Variants in PITRM1 observed in about 807,000 individuals in gnomAD.
PITRM1 encodes the protein presequence protease, mitochondrial.
A neutral mutation model predicts 129.9 loss-of-function variants in PITRM1; 100 were observed. That is an observed-to-expected ratio of 0.77 (90% CI 0.65 to 0.91). PITRM1 has a LOEUF of 0.91. Ranked by LOEUF, PITRM1 falls within the 40% of genes least tolerant of loss-of-function variation. PITRM1 has a pLI of 0.00. For synonymous variants in PITRM1, 591 were observed against 508.8 expected (o/e 1.16, Z -2.17); for missense variants, 1,471 against 1,318.3 (o/e 1.12, Z -1.79).
At chr10:3,167,303 G>A (rs1413206407) in intron 2 of PITRM1, among the ~76,000 whole-genome samples, 1 of 152,176 alleles carries the variant, frequency 6.6e-6, no homozygotes, top group African/African-American at 2.4e-5. Context: ...GAGCGAGCGA[G>A]CGCGAGAGCG....
intron 25 of PITRM1, 22 bp from the exon 26 acceptor site, chr10:3,138,359 C>A (rs371432219): frequency 2.6e-6 from 4 of 1,555,672 alleles, no homozygotes; most frequent in African/African-American, 1.4e-5. Context: ...TCCACAGGCA[C>A]GATGGAGCCG....
chr10:3,143,733 T>C lies in PITRM1; in HGVS notation c.2533-232A>G. 3 of 700,536 alleles carry C rather than the reference T, an allele frequency of 4.3e-6. No homozygotes were observed. In the South Asian group the frequency reaches 4.5e-5, roughly 11 times the overall value. The allele number at this position is 700,536 out of a possible 1,614,324, so 43.4% of individuals were successfully genotyped here. ...TCCACACAATTTCTCACTGTAAAAC[T>C]GACATGAAGTCCTCCAATCTTGACG... is the stretch of plus-strand genomic sequence containing the variant. On this transcript the variant is annotated intron_variant, in intron 22 of 26. Coordinates refer to ENST00000224949, the MANE Select transcript of PITRM1 (RefSeq NM_014889.4).
chr10:3,164,094 G>C (rs1469241456), intron 6 of PITRM1: 3 of 311,082 alleles, frequency 9.6e-6, no homozygotes, highest in African/African-American at 6.6e-5. Context: ...CCCACGCACA[G>C]GACCCAAGGA....
intron 7 of PITRM1, 108 bp from the exon 8 acceptor site, chr10:3,160,438 C>G (rs1842351314): frequency 4.4e-6 from 4 of 909,290 alleles, no homozygotes; most frequent in Non-Finnish European, 3.4e-6. Context: ...TACCCAAGGT[C>G]TCGCCTTTCG....
chr10:3,140,916 A>G (rs1840123978), intron 23 of PITRM1, 104 bp from the exon 24 acceptor site: 2 of 1,026,842 alleles, frequency 1.9e-6, no homozygotes, highest in Admixed American at 2.3e-5. Flanking sequence ...GTTGTAAAAT[A>G]ATGCTGCATA....
intron 15 of PITRM1, 85 bp from the exon 16 acceptor site, chr10:3,149,838 G>T: frequency 7.0e-7 from 1 of 1,419,336 alleles, no homozygotes; most frequent in Non-Finnish European, 9.9e-7. Context: ...GCTATTTATT[G>T]TTTTTTCAAG....
Position 3,147,569 on chromosome 10 carries a change from C to T in PITRM1, c.2235+3G>A, listed in dbSNP as rs776242641. On this transcript the variant is annotated splice_donor_region_variant and intron_variant, in intron 19 of 26. Transcript: ENST00000224949. ...TAATAGAGGTTCCTTCCAAGCTTCC[C>T]ACCTGATCCATCCCGCTGAAGGTCT... The T allele has an allele frequency of 3.1e-6, 5 of 1,613,930 alleles. No homozygotes were observed. Among genetic ancestry groups the T allele is most frequent in the East Asian group, 4.5e-5 (2 of 44,886 alleles).
chr10:3,156,481 C>G (rs1239592657), intron 13 of PITRM1, among the ~76,000 whole-genome samples: 1 of 152,188 alleles, frequency 6.6e-6, no homozygotes, highest in East Asian at 1.9e-4. Context: ...CCACGGGAAC[C>G]CTTTTTAAAA....
chr10:3,143,250 A>G (rs1458865431), intron 23 of PITRM1, 139 bp downstream of exon 23: 1 of 625,022 alleles, frequency 1.6e-6, no homozygotes, highest in Admixed American at 2.7e-5. Context: ...GCACTCGTAG[A>G]CTCACACAGC....
chr10:3,138,114 T>A lies in PITRM1; in HGVS notation c.3031A>T (p.Thr1011Ser). The change falls in exon 27 of 27, where the codon ACT becomes TCT. Residue 1011 changes from threonine (T) to serine (S), a missense_variant. Physicochemically the swap from Thr to Ser is moderately conservative, Grantham distance 58. Coordinates refer to ENST00000224949, the MANE Select transcript of PITRM1 (RefSeq NM_014889.4). ...LLAVSDRYLG[T>S]GKSTHGLAIL... ...GCCAGGCCGTGTGTGCTCTTCCCAGTGCCGAGGTATCTGAGAGGAAGGCAG... is the reference window on the plus strand; with the variant it reads ...GCCAGGCCGTGTGTGCTCTTCCCAGAGCCGAGGTATCTGAGAGGAAGGCAG... 1 of 1,609,262 alleles carries A rather than the reference T, an allele frequency of 6.2e-7. No individual in the cohort carries two copies.
chr10:3,138,517 C>T (rs536308674), intron 25 of PITRM1, 180 bp from the exon 26 acceptor site: 11 of 631,606 alleles, frequency 1.7e-5, no homozygotes, highest in East Asian at 2.7e-5. Context: ...CCACGTGCCA[C>T]GCTGACCCCT....
At position 3,157,511 on chromosome 10, in the gene PITRM1, C is replaced by T. The variant is rs115840214; in HGVS notation, c.1271G>A (p.Arg424Gln). Residue 424 changes from arginine (R) to glutamine (Q), a missense_variant, in exon 12 of 27, where the codon CGA becomes CAA. Physicochemically the swap from Arg to Gln is conservative, Grantham distance 43 (BLOSUM62 1). Transcript: ENST00000224949. Reference sequence around the variant, plus strand: ...AATTTTATGAAGTAAAGCCTCAATTCGATCATCTTCAAATCCTTTCCTAAA... The same window carrying T: ...AATTTTATGAAGTAAAGCCTCAATTTGATCATCTTCAAATCCTTTCCTAAA... ...EVVEKGFEDD[R>Q]IEALLHKIEI... 6.3e-4 allele frequency: 1,004 copies of T among 1,603,666 alleles called. 9 individuals are homozygous for T. In the African/African-American group the frequency reaches 0.01, roughly 16 times the overall value.
At chr10:3,140,013 C>T (rs1242586243) in intron 24 of PITRM1, among the ~76,000 whole-genome samples, 4 of 152,222 alleles carry the variant, frequency 2.6e-5, no homozygotes, top group Non-Finnish European at 1.5e-5. Context: ...TCACCTGGGG[C>T]CTGTGTTTCA....
Position 3,165,227 on chromosome 10 carries a change from A to C in PITRM1, c.630+11T>G. The C allele has an allele frequency of 6.5e-7, 1 of 1,536,796 alleles. No homozygotes were observed. Among genetic ancestry groups the C allele is most frequent in the East Asian group, 2.4e-5 (1 of 41,998 alleles). On this transcript the variant is annotated intron_variant, in intron 6 of 26. Transcript: ENST00000224949. ...AAGCTGAACACAACATAAAAAAGGA[A>C]GAAAACTTACAAACGCTCCCTTCAT...
At chr10:3,158,296 G>C (rs1459675278) in intron 10 of PITRM1, 143 bp from the exon 11 acceptor site, 1 of 627,542 alleles carries the variant, frequency 1.6e-6, no homozygotes, top group Non-Finnish European at 2.8e-6. Context: ...GTGTTCTCAA[G>C]TAACTGGTTC....
intron 22 of PITRM1, 171 bp from the exon 23 acceptor site, chr10:3,143,672 C>CT (rs1840514472): frequency 1.4e-6 from 1 of 712,402 alleles, no homozygotes; most frequent in African/African-American, 1.7e-5. Context: ...CAGCCAGGTG[C>CT]TGGGGCGCGA....
rs146166025 is a variant in PITRM1, at chr10:3,172,322, G to C, written c.56+395C>G. On this transcript the variant is annotated intron_variant, in intron 1 of 26. Coordinates refer to ENST00000224949, the MANE Select transcript of PITRM1 (RefSeq NM_014889.4). ...TTCTCTGAACACAGCGAGACTTTAA[G>C]TATGGGCTGTGGGCGCCTCGGGTCT... The C allele has an allele frequency of 8.9e-3, 4,470 of 502,362 alleles. 82 individuals are homozygous for C. Among genetic ancestry groups the C allele is most frequent in the African/African-American group, 0.051 (2,626 of 51,766 alleles). 31.1% of individuals were successfully genotyped at this position (502,362 alleles called of 1,614,324 possible).
intron 1 of PITRM1, among the ~76,000 whole-genome samples, chr10:3,171,200 G>C (rs191856109): frequency 8.1e-6 from 1 of 122,788 alleles, no homozygotes; most frequent in Admixed American, 8.5e-5. Context: ...CCAATATAAG[G>C]GCCTACAGTG....
chr10:3,148,949 G>A (rs1841219948), intron 16 of PITRM1: 1 of 152,298 alleles, frequency 6.6e-6, no homozygotes, highest in Admixed American at 6.5e-5. Flanking sequence ...CCCTCAGCCA[G>A]GGTGCAGAAG....
Sources: allele counts gnomAD v4.1 joint callset (sites outside exome capture counted in the v4.1 genomes callset), GRCh38; gene constraint gnomAD v4.1.1; transcripts MANE v1.5; gene names NCBI Gene and HGNC (gene_info 2026-07-23, HGNC 2026-07-21).